Variants in RBFOX3 observed in about 807,000 individuals in gnomAD.
The protein encoded by RBFOX3 is RNA binding fox-1 homolog 3.
Under a neutral mutation model 48.7 loss-of-function variants are expected in RBFOX3, and 17 were observed. That is an observed-to-expected ratio of 0.35 (90% CI 0.24 to 0.52). The LOEUF is 0.52. Ranked by LOEUF, RBFOX3 falls within the 20% of genes least tolerant of loss-of-function variation. The pLI, the probability that RBFOX3 is intolerant of heterozygous loss-of-function variation, is 0.94. For synonymous variants in RBFOX3, 212 were observed against 209.5 expected, an observed-to-expected ratio of 1.01 and a Z score of -0.10; for missense variants, 382 against 497.5, an observed-to-expected ratio of 0.77 and a Z score of 2.21.
chr17:79,379,051 T>A (rs2059571122), intron 2 of RBFOX3, among the ~76,000 whole-genome samples: 1 of 152,144 alleles, frequency 6.6e-6, no homozygotes, highest in Non-Finnish European at 1.5e-5. Flanking sequence ...GATTCTCAAC[T>A]GGGGAAGCTG....
intron 4 of RBFOX3, among the ~76,000 whole-genome samples, chr17:79,163,727 C>T (rs930766200): frequency 2.1e-5 from 3 of 145,478 alleles, no homozygotes; most frequent in Non-Finnish European, 4.6e-5. Flanking sequence ...CTGGCTGATG[C>T]GGAAGCTTTG....
At chr17:79,427,845 T>C (rs772914803) in intron 2 of RBFOX3, among the ~76,000 whole-genome samples, 1 of 152,238 alleles carries the variant, frequency 6.6e-6, no homozygotes, top group Non-Finnish European at 1.5e-5. Context: ...CACATGCACA[T>C]ATGCACACAT....
intron 4 of RBFOX3, among the ~76,000 whole-genome samples, chr17:79,227,505 A>G (rs1383633506): frequency 6.6e-6 from 1 of 152,234 alleles, no homozygotes; most frequent in African/African-American, 2.4e-5. Flanking sequence ...CTCACTGCAC[A>G]GGAGATGAGC....
chr17:79,573,441 G>C (rs957375928), intron 1 of RBFOX3, among the ~76,000 whole-genome samples: 1 of 152,316 alleles, frequency 6.6e-6, no homozygotes. Context: ...GCAGCCTGGA[G>C]GAGGGGCTTC....
At chr17:79,139,166 G>T (rs1436826084) in intron 4 of RBFOX3, among the ~76,000 whole-genome samples, 1 of 152,048 alleles carries the variant, frequency 6.6e-6, no homozygotes, top group African/African-American at 2.4e-5. Flanking sequence ...CTCACACCTG[G>T]GCTCACACCC....
intron 2 of RBFOX3, among the ~76,000 whole-genome samples, chr17:79,309,098 C>G (rs986940263): frequency 9.9e-6 from 1 of 100,706 alleles, no homozygotes; most frequent in Non-Finnish European, 2.3e-5. Flanking sequence ...CAGAGCAAGA[C>G]TCTGTCTCAA....
chr17:79,417,231 C>G (rs55646732), intron 2 of RBFOX3, among the ~76,000 whole-genome samples: 1 of 152,034 alleles, frequency 6.6e-6, no homozygotes, highest in Admixed American at 6.5e-5. Context: ...CCTTGCTCCC[C>G]GTAAGAGTCT....
intron 2 of RBFOX3, among the ~76,000 whole-genome samples, chr17:79,333,259 G>A (rs2014989): frequency 0.14 from 21,737 of 152,154 alleles, 1,802 homozygotes; most frequent in East Asian, 0.29. Flanking sequence ...GGATTTGGGG[G>A]AAGGTGTCCT....
At chr17:79,177,209 T>TG (rs2050756104) in intron 4 of RBFOX3, among the ~76,000 whole-genome samples, 1 of 149,732 alleles carries the variant, frequency 6.7e-6, no homozygotes, top group African/African-American at 2.5e-5. Context: ...CCTCCTCCTC[T>TG]CCCCCCCCGC....
the RBFOX3 span, among the ~76,000 whole-genome samples, chr17:79,626,662 A>T: frequency 2.0e-5 from 3 of 152,228 alleles, no homozygotes; most frequent in Non-Finnish European, 4.4e-5. Flanking sequence ...GGATATACAC[A>T]GAAGTGACAG....
chr17:79,651,062 G>C, the RBFOX3 span, among the ~76,000 whole-genome samples: 1 of 152,230 alleles, frequency 6.6e-6, no homozygotes, highest in Non-Finnish European at 1.5e-5. Context: ...CTGTTCCTCA[G>C]AGGTCCCTGC....
the RBFOX3 span, among the ~76,000 whole-genome samples, chr17:79,656,859 A>AGGAG: frequency 1.0e-3 from 121 of 120,412 alleles, 1 homozygote; most frequent in Middle Eastern, 3.8e-3. Flanking sequence ...AAAGAAGGGA[A>AGGAG]GGAGGGAGGG....
chr17:79,492,844 T>G (rs1217398256), intron 1 of RBFOX3, among the ~76,000 whole-genome samples: 1 of 151,980 alleles, frequency 6.6e-6, no homozygotes, highest in Non-Finnish European at 1.5e-5. Context: ...AAGGTCACAC[T>G]GGGACACGCC....
At chr17:79,151,037 C>T (rs1467988243) in intron 4 of RBFOX3, among the ~76,000 whole-genome samples, 1 of 152,238 alleles carries the variant, frequency 6.6e-6, no homozygotes, top group Admixed American at 6.5e-5. Context: ...AGTCCACGCT[C>T]CGCAAGTGCT....
At chr17:79,426,767 T>C (rs1304493921) in intron 2 of RBFOX3, among the ~76,000 whole-genome samples, 3 of 152,066 alleles carry the variant, frequency 2.0e-5, no homozygotes, top group Non-Finnish European at 2.9e-5. Flanking sequence ...TGCAGTGGTG[T>C]GATCTTAGCT....
the RBFOX3 span, among the ~76,000 whole-genome samples, chr17:79,626,002 G>A: frequency 1.1e-3 from 164 of 152,288 alleles, 3 homozygotes; most frequent in East Asian, 0.027. Flanking sequence ...GGGGAAAGGC[G>A]GGCTAATGAA....
chr17:79,190,436 A>AAAC (rs2146450140), intron 4 of RBFOX3, among the ~76,000 whole-genome samples: 1 of 141,032 alleles, frequency 7.1e-6, no homozygotes, highest in East Asian at 2.0e-4. Flanking sequence ...AAAAAACAAA[A>AAAC]AAACAGAGTG....
chr17:79,588,182 G>GCTGGAGCTGGACCATGCAGATCCAGCT (rs2093312727), intron 1 of RBFOX3, among the ~76,000 whole-genome samples: 1 of 152,162 alleles, frequency 6.6e-6, no homozygotes, highest in Non-Finnish European at 1.5e-5. Context: ...GGATGCAGTT[G>GCTGGAGCTGGACCATGCAGATCCAGCT]CTGGAGCTGG....
the RBFOX3 span, among the ~76,000 whole-genome samples, chr17:79,631,032 G>A: frequency 6.6e-6 from 1 of 152,132 alleles, no homozygotes. Flanking sequence ...AGACAGCAAA[G>A]CAAGTCGTCT....
Sources: allele counts gnomAD v4.1 joint callset (sites outside exome capture counted in the v4.1 genomes callset), GRCh38; gene constraint gnomAD v4.1.1; transcripts MANE v1.5; gene names NCBI Gene and HGNC (gene_info 2026-07-23, HGNC 2026-07-21).